TYW1: variants seen among roughly 807,000 people sequenced by gnomAD.
TYW1 encodes tRNA-yW synthesizing protein 1 homolog.
TYW1 carries 46 observed loss-of-function variants against 96.2 expected under a neutral mutation model. That is an observed-to-expected ratio of 0.48 (90% CI 0.38 to 0.61). TYW1 has a LOEUF of 0.61. Among genes scored for constraint, TYW1 ranks in the 20% least tolerant of loss-of-function variants. The probability of loss-of-function intolerance (pLI) is 0.00; values close to 1 mark genes in which losing one functional copy is unlikely to be tolerated. For missense variants in TYW1, 684 were observed against 909.6 expected, an observed-to-expected ratio of 0.75 and a Z score of 3.19; for synonymous variants, 274 against 323.0, an observed-to-expected ratio of 0.85 and a Z score of 1.63.
At chr7:66,997,907 G>C (rs1391323636) in intron 1 of TYW1, among the ~76,000 whole-genome samples, 158 bp from the exon 2 acceptor site, 1 of 152,206 alleles carries the variant, frequency 6.6e-6, no homozygotes, top group Non-Finnish European at 1.5e-5. Context: ...GGAATTACAG[G>C]CATGAGCCAT....
At chr7:67,117,753 T>A (rs56347390) in intron 13 of TYW1, 135 bp downstream of exon 13, 300,328 of 1,299,552 alleles carry the variant, frequency 0.23, 37,550 homozygotes, top group African/African-American at 0.44. Flanking sequence ...AGATGAAATA[T>A]AACTTTCAAC....
At chr7:67,068,862 T>G (rs1053477129) in intron 10 of TYW1, among the ~76,000 whole-genome samples, 3 of 152,220 alleles carry the variant, frequency 2.0e-5, no homozygotes, top group African/African-American at 7.2e-5. Context: ...CTTGTTCTGT[T>G]TTGGGTAATG....
At chr7:67,058,061 A>G (rs1430985620) in intron 9 of TYW1, among the ~76,000 whole-genome samples, 2 of 152,042 alleles carry the variant, frequency 1.3e-5, no homozygotes, top group African/African-American at 4.8e-5. Flanking sequence ...CAGCCTCCCG[A>G]GTAGCTGGGA....
chr7:67,105,352 A>G (rs1211433387), intron 12 of TYW1, among the ~76,000 whole-genome samples: 3 of 152,188 alleles, frequency 2.0e-5, no homozygotes, highest in Admixed American at 6.5e-5. Context: ...TCAGTTGATG[A>G]TTATAATTAT....
intron 15 of TYW1, among the ~76,000 whole-genome samples, chr7:67,203,301 C>T (rs1800663031): frequency 6.6e-6 from 1 of 152,194 alleles, no homozygotes; most frequent in African/African-American, 2.4e-5. Context: ...CTGTCCTTTG[C>T]CTTTCAACCT....
chr7:67,141,852 A>T (rs1798460222), intron 13 of TYW1, among the ~76,000 whole-genome samples: 1 of 152,160 alleles, frequency 6.6e-6, no homozygotes, highest in African/African-American at 2.4e-5. Flanking sequence ...CCTGACCAAC[A>T]TGGGGAGACG....
intron 15 of TYW1, among the ~76,000 whole-genome samples, chr7:67,219,916 CT>C: frequency 7.0e-6 from 1 of 143,486 alleles, no homozygotes; most frequent in South Asian, 2.2e-4. Context: ...CTTCTGCTAG[CT>C]TTTGGTTCAG....
intron 7 of TYW1, among the ~76,000 whole-genome samples, chr7:67,040,856 A>G (rs571441766): frequency 2.0e-5 from 3 of 151,720 alleles, no homozygotes; most frequent in Admixed American, 6.6e-5. Context: ...AAAAAAAAAG[A>G]AAAAGAATTT....
At chr7:67,046,948 C>G (rs1795206097) in intron 7 of TYW1, among the ~76,000 whole-genome samples, 1 of 152,156 alleles carries the variant, frequency 6.6e-6, no homozygotes, top group Non-Finnish European at 1.5e-5. Context: ...GGACAGAAGT[C>G]TCTGTTTAAA....
intron 15 of TYW1, among the ~76,000 whole-genome samples, chr7:67,201,211 G>T (rs529046101): frequency 6.8e-6 from 1 of 147,882 alleles, no homozygotes; most frequent in Admixed American, 6.9e-5. Flanking sequence ...TGTGCCTGTA[G>T]TCTTGGCTAC....
intron 8 of TYW1, among the ~76,000 whole-genome samples, chr7:67,055,586 G>A (rs117411018): frequency 0.03 from 4,322 of 144,676 alleles, 87 homozygotes; most frequent in Non-Finnish European, 0.046. Flanking sequence ...GTGACAGAGC[G>A]GGACTGTCTT....
At chr7:67,168,128 CA>C (rs1314353909) in intron 13 of TYW1, among the ~76,000 whole-genome samples, 4 of 130,926 alleles carry the variant, frequency 3.1e-5, no homozygotes, top group Admixed American at 7.7e-5. Flanking sequence ...TGACTATTAT[CA>C]ATGGCTATTG....
At chr7:67,117,363 G>A (rs1797626580) in intron 12 of TYW1, 120 bp from the exon 13 acceptor site, 1 of 1,085,152 alleles carries the variant, frequency 9.2e-7, no homozygotes. Flanking sequence ...GGAAGTGGAA[G>A]TCTCTAGACC....
chr7:67,055,296 G>T (rs377157771), intron 8 of TYW1, among the ~76,000 whole-genome samples: 1 of 152,030 alleles, frequency 6.6e-6, no homozygotes, highest in East Asian at 1.9e-4. Context: ...ATAATTTTTG[G>T]ATTAATTTAT....
At chr7:67,192,296 C>G (rs917185040) in intron 14 of TYW1, among the ~76,000 whole-genome samples, 2 of 152,122 alleles carry the variant, frequency 1.3e-5, no homozygotes, top group Admixed American at 1.3e-4. Context: ...GATAATGAAC[C>G]GCAGCAGGCA....
At chr7:67,180,386 T>G (rs28583688) in intron 13 of TYW1, among the ~76,000 whole-genome samples, 1 of 111,590 alleles carries the variant, frequency 9.0e-6, no homozygotes, top group Admixed American at 9.7e-5. Flanking sequence ...AGCTGTTGGT[T>G]TATATATATA....
chr7:67,004,239 T>TTG (rs1420953882), intron 3 of TYW1, among the ~76,000 whole-genome samples: 8 of 152,148 alleles, frequency 5.3e-5, no homozygotes. Context: ...AATTTGTTGT[T>TTG]TGTTCCCCCA....
At chr7:67,223,541 G>A (rs988247748) in intron 15 of TYW1, among the ~76,000 whole-genome samples, 1 of 151,472 alleles carries the variant, frequency 6.6e-6, no homozygotes, top group Admixed American at 6.6e-5. Context: ...AAAGAGAAAA[G>A]TGAAAGAGTA....
At chr7:67,191,158 A>G (rs915974038) in intron 14 of TYW1, among the ~76,000 whole-genome samples, 4 of 152,168 alleles carry the variant, frequency 2.6e-5, no homozygotes, top group Non-Finnish European at 4.4e-5. Context: ...AGACGGACGG[A>G]CAGAGAGACA....
Sources: gnomAD v4.1 joint callset for allele counts (sites outside exome capture counted in the v4.1 genomes callset) on GRCh38, gnomAD v4.1.1 for gene constraint, MANE v1.5 for transcripts, NCBI Gene and HGNC (gene_info 2026-07-23, HGNC 2026-07-21) for gene names.